Variants in PTPRD observed in about 807,000 individuals in gnomAD.
PTPRD encodes the protein protein tyrosine phosphatase receptor type D.
Under a neutral mutation model 214.5 loss-of-function variants are expected in PTPRD, and 34 were observed. The observed-to-expected ratio is 0.16, with a 90% CI of 0.12 to 0.21. The LOEUF (loss-of-function observed/expected upper bound fraction) is 0.21. Among genes scored for constraint, PTPRD ranks in the 10% least tolerant of loss-of-function variants. PTPRD has a pLI of 1.00. For missense variants in PTPRD, 2,545 were observed against 2,398.7 expected, an observed-to-expected ratio of 1.06 and a Z score of -1.27; for synonymous variants, 1,128 against 845.7, an observed-to-expected ratio of 1.33 and a Z score of -5.79.
chr9:9,624,280 TG>T (rs571729578), intron 7 of PTPRD, among the ~76,000 whole-genome samples: 130 of 151,290 alleles, frequency 8.6e-4, no homozygotes, highest in African/African-American at 3.0e-3. Flanking sequence ...GTTTTTTTTT[TG>T]TTTGTTTGTT....
At chr9:8,823,779 T>A (rs558514979) in intron 11 of PTPRD, among the ~76,000 whole-genome samples, 2 of 152,246 alleles carry the variant, frequency 1.3e-5, no homozygotes, top group Admixed American at 1.3e-4. Flanking sequence ...GGTTATTGGA[T>A]TTTGCGCGAG....
chr9:9,679,120 G>GAA (rs1564498341), intron 7 of PTPRD, among the ~76,000 whole-genome samples: 24 of 97,506 alleles, frequency 2.5e-4, no homozygotes, highest in African/African-American at 7.0e-4. Flanking sequence ...TGAAAAAGGG[G>GAA]GAAAAAAAAA....
intron 35 of PTPRD, among the ~76,000 whole-genome samples, chr9:8,416,401 T>C (rs1017280014): frequency 2.2e-4 from 33 of 152,214 alleles, no homozygotes; most frequent in African/African-American, 7.7e-4. Context: ...TATTTCCTTA[T>C]GTTTACTATC....
intron 3 of PTPRD, among the ~76,000 whole-genome samples, chr9:10,231,171 C>T (rs978413730): frequency 3.3e-5 from 5 of 151,804 alleles, no homozygotes; most frequent in African/African-American, 4.8e-5. Context: ...TCCAATTAAG[C>T]GTTCAAGTTT....
chr9:8,588,383 G>A (rs1327068189), intron 14 of PTPRD, among the ~76,000 whole-genome samples: 1 of 152,110 alleles, frequency 6.6e-6, no homozygotes, highest in Non-Finnish European at 1.5e-5. Flanking sequence ...TTAAGCTTAT[G>A]ACAACTGCAA....
chr9:8,319,834 T>A lies in PTPRD; in HGVS notation c.5667A>T (p.Thr1889=), dbSNP rs758828930. The change falls in exon 45 of 46, where the codon ACA becomes ACT. Residue 1889 remains threonine, a synonymous_variant. Coordinates refer to ENST00000381196, the MANE Select transcript of PTPRD (RefSeq NM_002839.4). ...LRTQRPAMVQ[T]EDQYQFSYRA... ...AAAATGCAATGGATTTTCTCACCTC[T>A]GTCTGTACCATAGCTGGTCGTTGTG... The A allele has an allele frequency of 4.1e-5, 66 of 1,612,718 alleles. No homozygotes were observed. The highest frequency in any genetic ancestry group is 5.4e-5 in the Non-Finnish European group (64 of 1,179,238).
intron 11 of PTPRD, among the ~76,000 whole-genome samples, chr9:8,902,346 T>A (rs2098676261): frequency 3.7e-5 from 1 of 27,270 alleles, no homozygotes; most frequent in Non-Finnish European, 1.2e-4. Context: ...TTTCTTTTTC[T>A]TTTTTTTTTT....
At chr9:9,390,712 C>T (rs1323794978) in intron 9 of PTPRD, among the ~76,000 whole-genome samples, 1 of 152,126 alleles carries the variant, frequency 6.6e-6, no homozygotes, top group Non-Finnish European at 1.5e-5. Context: ...CTTAGTGTTG[C>T]TTTTAAGGAG....
chr9:8,798,637 G>A (rs1323966789), intron 11 of PTPRD, among the ~76,000 whole-genome samples: 1 of 152,178 alleles, frequency 6.6e-6, no homozygotes, highest in East Asian at 1.9e-4. Flanking sequence ...TAACAAACGT[G>A]TATTAAGCAT....
intron 15 of PTPRD, among the ~76,000 whole-genome samples, chr9:8,527,596 TGGGAAGACAGGCAGTTA>T (rs1441688509): frequency 3.3e-5 from 5 of 152,134 alleles, no homozygotes; most frequent in Non-Finnish European, 7.4e-5. Flanking sequence ...CTGAGAATTC[TGGGAAGACAGGCAGTTA>T]AACAACTTAG....
chr9:8,694,869 T>C (rs1474416480), intron 12 of PTPRD, among the ~76,000 whole-genome samples: 2 of 152,216 alleles, frequency 1.3e-5, no homozygotes, highest in East Asian at 3.9e-4. Context: ...GGCTTGGAAC[T>C]GTAAGCACTG....
intron 11 of PTPRD, among the ~76,000 whole-genome samples, chr9:8,946,376 G>A (rs577064046): frequency 4.6e-5 from 7 of 152,164 alleles, no homozygotes; most frequent in African/African-American, 1.7e-4. Flanking sequence ...GGGTTTTGTT[G>A]GAGTACTGGC....
At chr9:9,972,310 T>C (rs2095149777) in intron 4 of PTPRD, among the ~76,000 whole-genome samples, 1 of 152,176 alleles carries the variant, frequency 6.6e-6, no homozygotes, top group Non-Finnish European at 1.5e-5. Flanking sequence ...TTGCCCCTAT[T>C]TTTGCTCTTC....
chr9:9,682,845 T>C (rs368357087), intron 7 of PTPRD, among the ~76,000 whole-genome samples: 6 of 151,776 alleles, frequency 4.0e-5, no homozygotes, highest in Non-Finnish European at 5.9e-5. Flanking sequence ...TTTTTCTCAG[T>C]TCCACAAATA....
intron 2 of PTPRD, among the ~76,000 whole-genome samples, chr9:10,574,151 T>G (rs1456394233): frequency 1.3e-5 from 2 of 152,070 alleles, no homozygotes; most frequent in Admixed American, 1.3e-4. Context: ...TACAATGATT[T>G]TGTAACTACC....
intron 8 of PTPRD, among the ~76,000 whole-genome samples, chr9:9,470,992 A>G (rs1022390057): frequency 3.2e-4 from 49 of 152,150 alleles, no homozygotes; most frequent in South Asian, 4.1e-4. Context: ...CAGAATTCCA[A>G]TGGGTGCAGC....
At chr9:9,296,771 G>C (rs145884555) in intron 9 of PTPRD, among the ~76,000 whole-genome samples, 2 of 151,650 alleles carry the variant, frequency 1.3e-5, no homozygotes, top group African/African-American at 4.8e-5. Context: ...TGTTCCCTAA[G>C]GGACTTACGT....
At chr9:8,364,237 G>A (rs1303237679) in intron 39 of PTPRD, among the ~76,000 whole-genome samples, 1 of 152,192 alleles carries the variant, frequency 6.6e-6, no homozygotes, top group East Asian at 1.9e-4. Context: ...ATGGAATCAA[G>A]AAGGTCATTT....
chr9:9,170,897 C>T (rs781464817), intron 10 of PTPRD, among the ~76,000 whole-genome samples: 4 of 152,032 alleles, frequency 2.6e-5, no homozygotes, highest in Non-Finnish European at 5.9e-5. Context: ...ATGAGCCAGC[C>T]TCAGGATCTG....
Sources: allele counts gnomAD v4.1 joint callset (sites outside exome capture counted in the v4.1 genomes callset), GRCh38; gene constraint gnomAD v4.1.1; transcripts MANE v1.5; gene names NCBI Gene and HGNC (gene_info 2026-07-23, HGNC 2026-07-21).